The following SYCP2 variants were observed in gnomAD, a reference collection of about 807,000 sequenced individuals.
The protein encoded by SYCP2 is synaptonemal complex protein 2.
SYCP2 carries 55 observed loss-of-function variants against 211.3 expected under a neutral mutation model. The ratio of observed to expected loss-of-function variants is 0.26; its 90% CI spans 0.21 to 0.33. The LOEUF (loss-of-function observed/expected upper bound fraction) is 0.33, where lower values mean the gene tolerates loss of function less well. Among genes scored for constraint, SYCP2 ranks in the 10% least tolerant of loss-of-function variants. SYCP2 has a pLI of 1.00. For synonymous variants in SYCP2, 570 were observed against 555.2 expected (o/e 1.03, Z -0.37); for missense variants, 1,731 against 1,752.0 (o/e 0.99, Z 0.21).
chr20:59,877,386 T>C lies in SYCP2; in HGVS notation c.3149A>G (p.Lys1050Arg). 4 of 1,563,202 alleles carry C rather than the reference T, an allele frequency of 2.6e-6. No individual in the cohort carries two copies. Among genetic ancestry groups the C allele is most frequent in the Non-Finnish European group, 3.4e-6 (4 of 1,163,908 alleles). ...TTAATCTGAACTGTATCTATTTACC[T>C]TTACTGGTATGTTCTCTTTAAATGA... ...SHSFKENIPV[K>R]EENIHSRMKT... Residue 1050 changes from lysine to arginine, a missense_variant and splice_region_variant, in exon 33 of 45, where the codon AAG becomes AGG. Coordinates refer to ENST00000357552, the MANE Select transcript of SYCP2 (RefSeq NM_014258.4).
chr20:59,901,026 G>A (rs904458530), intron 16 of SYCP2, among the ~76,000 whole-genome samples: 1 of 151,738 alleles, frequency 6.6e-6, no homozygotes, highest in African/African-American at 2.4e-5. Flanking sequence ...TGTCATTTGT[G>A]AGGAACAAGG....
intron 17 of SYCP2, 133 bp from the exon 18 acceptor site, chr20:59,900,417 T>C (rs1460937634): frequency 2.3e-6 from 2 of 855,452 alleles, no homozygotes; most frequent in Non-Finnish European, 3.4e-6. Context: ...TGTGCTGTTA[T>C]AATTTTTACA....
intron 24 of SYCP2, among the ~76,000 whole-genome samples, chr20:59,891,272 T>C (rs969024104): frequency 6.6e-6 from 1 of 152,000 alleles, no homozygotes; most frequent in Non-Finnish European, 1.5e-5. Flanking sequence ...TGGAAATGTA[T>C]TCTAATTAAA....
chr20:59,926,988 A>C (rs1333418378), intron 2 of SYCP2, among the ~76,000 whole-genome samples: 1 of 152,168 alleles, frequency 6.6e-6, no homozygotes, highest in Non-Finnish European at 1.5e-5. Flanking sequence ...TCTACTGGAA[A>C]TATATACCAG....
At chr20:59,900,616 G>A in intron 17 of SYCP2, 128 bp downstream of exon 17, 1 of 639,634 alleles carries the variant, frequency 1.6e-6, no homozygotes, top group Non-Finnish European at 2.7e-6. Flanking sequence ...ACATTTTATT[G>A]GGGTACTGTT....
chr20:59,897,557 C>G (rs1045966976), intron 18 of SYCP2, among the ~76,000 whole-genome samples: 2 of 152,154 alleles, frequency 1.3e-5, no homozygotes, highest in East Asian at 3.9e-4. Context: ...GGCTAAGAAT[C>G]AGCATTGTTA....
At chr20:59,896,684 G>A (rs1377901979) in intron 18 of SYCP2, among the ~76,000 whole-genome samples, 156 bp from the exon 19 acceptor site, 3 of 152,096 alleles carry the variant, frequency 2.0e-5, no homozygotes, top group South Asian at 4.1e-4. Flanking sequence ...GTTTTAGGCT[G>A]ATATGAAAGG....
rs1490103179 is a variant in SYCP2, at chr20:59,885,985, A to T, written c.2493-21T>A. On this transcript the variant is annotated intron_variant, in intron 25 of 44. Coordinates refer to ENST00000357552, the MANE Select transcript of SYCP2 (RefSeq NM_014258.4). The stretch of plus-strand genomic sequence containing the variant: ...AACCACTGTAAAAAAAGATTTTGTC[A>T]AAATTGAAAAAGCAAATCAGTATCA... 3 of 1,587,734 alleles carry T rather than the reference A, an allele frequency of 1.9e-6. No individual in the cohort carries two copies. The African/African-American group carries it at 4.1e-5, about 21-fold the overall frequency.
At chr20:59,916,744 A>G (rs562665448) in intron 7 of SYCP2, among the ~76,000 whole-genome samples, 173 bp from the exon 8 acceptor site, 1 of 152,192 alleles carries the variant, frequency 6.6e-6, no homozygotes, top group East Asian at 1.9e-4. Flanking sequence ...GTTTGAGACC[A>G]GCCTGGGCAA....
rs1349645022 is a variant in SYCP2, at chr20:59,892,648, G to A, written c.1847C>T (p.Ala616Val). ...ICGNKIHSKW[A>V]CWTPVTNIEL... is the part of the protein sequence containing the mutation. ...AATGTTTGTTACAGGTGTCCAACAT[G>A]CCCATTTGCTGTGTATTTTATTTCC... The change falls in exon 23 of 45, where the codon GCA (alanine) becomes GTA (valine). Residue 616 changes from alanine to valine, a missense_variant. This residue lies in a region of SYCP2 where 1,387 missense variants were observed against 1,351.3 expected (regional missense o/e 1.03). Coordinates refer to ENST00000357552, the MANE Select transcript of SYCP2 (RefSeq NM_014258.4). The A allele has an allele frequency of 1.1e-5, 18 of 1,610,276 alleles. No homozygotes were observed. Among genetic ancestry groups the A allele is most frequent in the Non-Finnish European group, 1.4e-5 (17 of 1,177,950 alleles).
chr20:59,867,774 T>C lies in SYCP2; in HGVS notation c.4062A>G (p.Ala1354=). The change falls in exon 39 of 45, where the codon GCA becomes GCG. Residue 1354 remains alanine (A), a synonymous_variant. Coordinates refer to ENST00000357552, the MANE Select transcript of SYCP2 (RefSeq NM_014258.4). ...IPWETWQNEF[A]GIEMTYETYE... is the part of the protein sequence containing the mutation. ...AAGTCTCATAAGTCATCTCTATCCC[T>C]GCAAATTCATTTTGCCAGGTCTCCC... 1.2e-6 allele frequency: 2 copies of C among 1,610,096 alleles called. No homozygotes were observed. Among genetic ancestry groups the C allele is most frequent in the South Asian group, 1.1e-5 (1 of 90,940 alleles).
At chr20:59,896,864 A>G (rs2060018807) in intron 18 of SYCP2, among the ~76,000 whole-genome samples, 1 of 152,138 alleles carries the variant, frequency 6.6e-6, no homozygotes. Context: ...GCAATTTCCT[A>G]TTCTATATCA....
intron 31 of SYCP2, among the ~76,000 whole-genome samples, chr20:59,879,838 TATATATATATATATATATATATATAC>T (rs1568921875): frequency 5.2e-5 from 6 of 116,344 alleles, no homozygotes; most frequent in African/African-American, 2.1e-4. Flanking sequence ...TATATATATA[TATATATATATATATATATATATATAC>T]ACACACACAC....
At chr20:59,902,462 C>T (rs1037148828) in intron 15 of SYCP2, among the ~76,000 whole-genome samples, 8 of 152,110 alleles carry the variant, frequency 5.3e-5, no homozygotes, top group Admixed American at 4.6e-4. Context: ...CCACCATGCT[C>T]GTGTCCTACT....
intron 26 of SYCP2, among the ~76,000 whole-genome samples, chr20:59,885,296 T>G (rs2059763947): frequency 6.6e-6 from 1 of 151,950 alleles, no homozygotes; most frequent in African/African-American, 2.4e-5. Context: ...GAAAAAAAGC[T>G]GGTAGTGAAT....
intron 18 of SYCP2, among the ~76,000 whole-genome samples, chr20:59,899,836 CA>C (rs1286079528): frequency 6.6e-6 from 1 of 152,008 alleles, no homozygotes; most frequent in Non-Finnish European, 1.5e-5. Flanking sequence ...TTCTATTCTA[CA>C]TTATAGCCAA....
rs375553124 is a variant in SYCP2, at chr20:59,896,535, C to G, written c.1405-7G>C. ...TTTTGCTAGGAGTAGTTTTCTGAAA[C>G]CACGATGAAAAACAACCACTGTAAA... On this transcript the variant is annotated splice_region_variant and splice_polypyrimidine_tract_variant and intron_variant, in intron 18 of 44. Coordinates refer to ENST00000357552, the MANE Select transcript of SYCP2 (RefSeq NM_014258.4). 6.5e-7 allele frequency: 1 copy of G among 1,527,348 alleles called. No homozygotes were observed. Among genetic ancestry groups the G allele is most frequent in the Non-Finnish European group, 9.1e-7 (1 of 1,104,696 alleles). 94.6% of individuals were successfully genotyped at this position (1,527,348 alleles called of 1,614,324 possible). A position where few individuals can be genotyped will look rare whatever the true frequency, so the allele number is the denominator to read the frequency against.
chr20:59,906,247 A>G (rs779053481), intron 15 of SYCP2, among the ~76,000 whole-genome samples: 4 of 152,188 alleles, frequency 2.6e-5, no homozygotes, highest in Non-Finnish European at 5.9e-5. Flanking sequence ...TTCCAAAACA[A>G]TATTTTAAAA....
At chr20:59,926,601 C>T (rs1311481239) in intron 2 of SYCP2, among the ~76,000 whole-genome samples, 1 of 151,984 alleles carries the variant, frequency 6.6e-6, no homozygotes, top group Non-Finnish European at 1.5e-5. Flanking sequence ...ACCCTATTTC[C>T]AGAAAAGGTC....
Sources: gnomAD v4.1 joint callset for allele counts (sites outside exome capture counted in the v4.1 genomes callset) on GRCh38, gnomAD v4.1.1 for gene constraint, gnomAD v4.1.1 regional missense constraint, MANE v1.5 for transcripts, NCBI Gene and HGNC (gene_info 2026-07-23, HGNC 2026-07-21) for gene names.